GNAL: variants seen among roughly 807,000 people sequenced by gnomAD.
GNAL encodes G protein subunit alpha L, also known as guanine nucleotide-binding protein G(olf) subunit alpha.
In GNAL, 18 loss-of-function variants were observed where a neutral mutation model predicts 55.1. The ratio of observed to expected loss-of-function variants is 0.33; its 90% confidence interval spans 0.23 to 0.48. The LOEUF (loss-of-function observed/expected upper bound fraction) is 0.48, where lower values mean the gene tolerates loss of function less well. Among genes scored for constraint, GNAL ranks in the 20% least tolerant of loss-of-function variants. The pLI is 0.99. For synonymous variants in GNAL, 253 were observed against 237.0 expected, an observed-to-expected ratio of 1.07 and a Z score of -0.62; for missense variants, 412 against 614.1, an observed-to-expected ratio of 0.67 and a Z score of 3.48.
At chr18:11,761,905 A>C (rs567948124) in intron 4 of GNAL, among the ~76,000 whole-genome samples, 1 of 152,228 alleles carries the variant, frequency 6.6e-6, no homozygotes, top group Non-Finnish European at 1.5e-5. Context: ...AAAATGCACA[A>C]TAATCTTTCT....
intron 4 of GNAL, among the ~76,000 whole-genome samples, chr18:11,800,222 T>C (rs1212672911): frequency 1.3e-5 from 2 of 152,036 alleles, no homozygotes; most frequent in African/African-American, 4.8e-5. Context: ...GATGGATGGA[T>C]AATACAAGTG....
At chr18:11,876,711 G>C (rs545947521) in intron 11 of GNAL, 23 bp downstream of exon 11, 8 of 1,333,744 alleles carry the variant, frequency 6.0e-6, no homozygotes, top group South Asian at 1.2e-5. Context: ...GTTAACCTTT[G>C]TTTTTCTACC....
intron 6 of GNAL, among the ~76,000 whole-genome samples, chr18:11,863,241 T>C (rs1489509697): frequency 6.6e-6 from 1 of 152,182 alleles, no homozygotes; most frequent in Non-Finnish European, 1.5e-5. Flanking sequence ...CTCGGGCAGC[T>C]GCAGAGACTT....
chr18:11,713,000 G>A (rs1344628113), intron 1 of GNAL, among the ~76,000 whole-genome samples: 1 of 152,200 alleles, frequency 6.6e-6, no homozygotes, highest in Non-Finnish European at 1.5e-5. Flanking sequence ...CCCAGCCCAT[G>A]AACACCATAT....
intron 4 of GNAL, among the ~76,000 whole-genome samples, chr18:11,802,276 G>A (rs543555290): frequency 5.9e-5 from 9 of 152,166 alleles, no homozygotes; most frequent in South Asian, 2.1e-4. Flanking sequence ...TTCTGTTTAC[G>A]GAGTTCCTCA....
intron 1 of GNAL, among the ~76,000 whole-genome samples, chr18:11,740,636 T>G (rs2032556948): frequency 6.6e-6 from 1 of 152,236 alleles, no homozygotes; most frequent in African/African-American, 2.4e-5. Context: ...ATTCCATATG[T>G]GTGTGTTGCC....
At chr18:11,771,386 T>C (rs563043464) in intron 4 of GNAL, among the ~76,000 whole-genome samples, 1 of 152,288 alleles carries the variant, frequency 6.6e-6, no homozygotes, top group Non-Finnish European at 1.5e-5. Flanking sequence ...ATGAAATTAA[T>C]CATTATCAGT....
chr18:11,714,659 T>C (rs1053643316), intron 1 of GNAL, among the ~76,000 whole-genome samples: 3 of 152,212 alleles, frequency 2.0e-5, no homozygotes, highest in Non-Finnish European at 4.4e-5. Context: ...AACTCCGTTT[T>C]AGGGCTCACA....
At chr18:11,854,705 T>C (rs1319462036) in intron 5 of GNAL, among the ~76,000 whole-genome samples, 1 of 151,898 alleles carries the variant, frequency 6.6e-6, no homozygotes, top group Non-Finnish European at 1.5e-5. Flanking sequence ...TGCTTGAACC[T>C]GGGAGGCGGA....
chr18:11,821,870 C>T (rs1345384844), intron 4 of GNAL, among the ~76,000 whole-genome samples: 4 of 152,246 alleles, frequency 2.6e-5, no homozygotes, highest in Non-Finnish European at 4.4e-5. Context: ...AAGGGCCTCC[C>T]GCCTCCCTGC....
chr18:11,784,178 T>TG (rs1217304853), intron 4 of GNAL, among the ~76,000 whole-genome samples: 2 of 152,252 alleles, frequency 1.3e-5, no homozygotes, highest in Non-Finnish European at 2.9e-5. Flanking sequence ...TACTTGTCTT[T>TG]GGTCTCCCAG....
chr18:11,816,598 T>C (rs1488975488), intron 4 of GNAL, among the ~76,000 whole-genome samples: 1 of 152,060 alleles, frequency 6.6e-6, no homozygotes, highest in African/African-American at 2.4e-5. Context: ...CCGGCCACTC[T>C]AATTTTTTTT....
chr18:11,840,879 T>TTC (rs1567886441), intron 5 of GNAL, among the ~76,000 whole-genome samples: 1 of 149,720 alleles, frequency 6.7e-6, no homozygotes, highest in African/African-American at 2.4e-5. Flanking sequence ...TCTTTTCTTT[T>TTC]TTTTTTTTTT....
chr18:11,819,721 C>A (rs747420903), intron 4 of GNAL, among the ~76,000 whole-genome samples: 20 of 151,788 alleles, frequency 1.3e-4, no homozygotes, highest in East Asian at 3.9e-4. Flanking sequence ...ACAAAAAAAA[C>A]CCTGAAATTA....
At chr18:11,697,911 G>A (rs1268600654) in intron 1 of GNAL, among the ~76,000 whole-genome samples, 1 of 152,220 alleles carries the variant, frequency 6.6e-6, no homozygotes, top group Non-Finnish European at 1.5e-5. Context: ...AGAGGCTGCA[G>A]AGCCAGAGAT....
intron 4 of GNAL, among the ~76,000 whole-genome samples, chr18:11,792,738 G>A (rs553117779): frequency 4.9e-4 from 74 of 152,346 alleles, no homozygotes; most frequent in African/African-American, 1.6e-3. Flanking sequence ...TGTTGGCACT[G>A]AGGGAATACT....
intron 5 of GNAL, among the ~76,000 whole-genome samples, chr18:11,834,511 G>A (rs538098947): frequency 8.9e-4 from 136 of 152,132 alleles, no homozygotes; most frequent in African/African-American, 3.2e-3. Context: ...CTTGAGCCCA[G>A]GAGTTCAAGA....
chr18:11,747,131 T>C (rs1017925754), intron 1 of GNAL: 4 of 406,512 alleles, frequency 9.8e-6, no homozygotes, highest in Admixed American at 2.8e-5. Context: ...CTGCCCACGC[T>C]GCCCACAGCC....
intron 7 of GNAL, among the ~76,000 whole-genome samples, chr18:11,865,560 G>C (rs1424384086): frequency 7.0e-6 from 1 of 143,342 alleles, no homozygotes; most frequent in Non-Finnish European, 1.5e-5. Context: ...GACCAGCCTG[G>C]GCAACATAGC....
Sources: gnomAD v4.1 joint callset for allele counts (sites outside exome capture counted in the v4.1 genomes callset) on GRCh38, gnomAD v4.1.1 for gene constraint, MANE v1.5 for transcripts, NCBI Gene and HGNC (gene_info 2026-07-23, HGNC 2026-07-21) for gene names.